LRRC4C: variants seen among roughly 807,000 people sequenced by gnomAD.
LRRC4C encodes leucine rich repeat containing 4C.
LRRC4C carries 5 observed loss-of-function variants against 33.6 expected under a neutral mutation model. That is an observed-to-expected ratio of 0.15 (90% CI 0.08 to 0.31). The LOEUF (loss-of-function observed/expected upper bound fraction) is 0.31. LRRC4C is among the 10% of genes least tolerant of loss of function. LRRC4C has a pLI of 1.00. For synonymous variants in LRRC4C, 329 were observed against 302.0 expected, an observed-to-expected ratio of 1.09 and a Z score of -0.93; for missense variants, 560 against 796.7, an observed-to-expected ratio of 0.70 and a Z score of 3.58.
intron 2 of LRRC4C, among the ~76,000 whole-genome samples, chr11:40,811,832 T>A (rs966410037): frequency 6.6e-6 from 1 of 152,050 alleles, no homozygotes; most frequent in Non-Finnish European, 1.5e-5. Context: ...CTCCCTTGGG[T>A]TGTCCTTGTA....
chr11:40,635,878 A>T (rs1005275873), intron 3 of LRRC4C, among the ~76,000 whole-genome samples: 1 of 151,886 alleles, frequency 6.6e-6, no homozygotes, highest in Non-Finnish European at 1.5e-5. Context: ...TGACCTTGTG[A>T]TCCGCCTGCC....
chr11:40,952,263 T>G (rs1221228461), intron 1 of LRRC4C, among the ~76,000 whole-genome samples: 1 of 151,936 alleles, frequency 6.6e-6, no homozygotes, highest in East Asian at 1.9e-4. Flanking sequence ...GTCCAATCTC[T>G]TTAGGCCACA....
At chr11:41,308,152 C>T (rs1239594396) in intron 1 of LRRC4C, among the ~76,000 whole-genome samples, 3 of 152,178 alleles carry the variant, frequency 2.0e-5, no homozygotes, top group Non-Finnish European at 4.4e-5. Flanking sequence ...GCCATCTTGT[C>T]CCTCTTTCAC....
At chr11:40,165,167 T>C (rs1179194226) in intron 5 of LRRC4C, among the ~76,000 whole-genome samples, 3 of 152,236 alleles carry the variant, frequency 2.0e-5, no homozygotes, top group Admixed American at 6.5e-5. Context: ...TGTATTTATC[T>C]TGCTTTGTGT....
At chr11:40,884,076 C>T (rs886333948) in intron 2 of LRRC4C, among the ~76,000 whole-genome samples, 2 of 151,972 alleles carry the variant, frequency 1.3e-5, no homozygotes, top group Non-Finnish European at 1.5e-5. Context: ...CCCCCTACCC[C>T]GTGACAGGCC....
At position 40,633,371 on chromosome 11, in the gene LRRC4C, T is replaced by TTCTTTCTTTCTTTCTCTCTCTC. The variant is rs745929705; in HGVS notation, c.-270+14770_-270+14771insGAGAGAGAGAAAGAAAGAAAGA. The stretch of plus-strand genomic sequence containing the variant: ...TTTCTTTCTTTCTTTCTTTCTTTCT[T>TTCTTTCTTTCTTTCTCTCTCTC]TCTCTCTCTTTCTTTCTTTCTTTCT... On this transcript the variant is annotated intron_variant, in intron 3 of 6. Transcript: ENST00000528697. Among the ~76,000 whole-genome samples the TTCTTTCTTTCTTTCTCTCTCTC allele has an allele frequency of 2.7e-4, 26 of 96,300 alleles. 1 individual carries two copies. Among genetic ancestry groups the TTCTTTCTTTCTTTCTCTCTCTC allele is most frequent in the Admixed American group, 5.3e-4 (4 of 7,530 alleles). The allele number at this position is 96,300 out of a possible 152,430, so 63.2% of individuals were successfully genotyped here.
intron 5 of LRRC4C, among the ~76,000 whole-genome samples, chr11:40,188,247 C>T (rs1229958218): frequency 6.6e-6 from 1 of 152,176 alleles, no homozygotes; most frequent in Non-Finnish European, 1.5e-5. Context: ...AAGTGAAATT[C>T]TGACTTCCTT....
chr11:40,989,909 CATTAT>C (rs987408169), intron 1 of LRRC4C, among the ~76,000 whole-genome samples: 3 of 151,770 alleles, frequency 2.0e-5, no homozygotes, highest in African/African-American at 7.3e-5. Flanking sequence ...AAAAACAATA[CATTAT>C]AACAACTCTT....
intron 3 of LRRC4C, among the ~76,000 whole-genome samples, chr11:40,629,801 T>C (rs1963294791): frequency 6.6e-6 from 1 of 152,180 alleles, no homozygotes; most frequent in Non-Finnish European, 1.5e-5. Context: ...TGGCACCATT[T>C]GCCTCTTTAT....
chr11:40,627,647 G>A lies in LRRC4C; in HGVS notation c.-270+20495C>T, dbSNP rs1963080148. On this transcript the variant is annotated intron_variant, in intron 3 of 6. Transcript: ENST00000528697. ...ATAGAGAAGAGTTTGCACCTTTAAT[G>A]TATATGATTGATTAGAGACAGCCTG... Among the ~76,000 whole-genome samples, 3 of 152,268 alleles carry A rather than the reference G, an allele frequency of 2.0e-5. No homozygotes were observed. The South Asian group carries it at 6.2e-4, about 32-fold the overall frequency.
chr11:40,541,026 G>T (rs958311327), intron 3 of LRRC4C, among the ~76,000 whole-genome samples: 2 of 152,084 alleles, frequency 1.3e-5, no homozygotes, highest in African/African-American at 4.8e-5. Context: ...TTTATTACAG[G>T]TTTTAAATAG....
In LRRC4C at chr11:40,473,975, G is replaced by T. The variant is rs574298612; in HGVS notation, c.-269-154254C>A. Among the ~76,000 whole-genome samples the T allele has an allele frequency of 4.3e-4, 66 of 152,154 alleles. 1 individual carries two copies. The highest frequency in any genetic ancestry group is 1.5e-3 in the African/African-American group (64 of 41,522). On this transcript the variant is annotated intron_variant, in intron 3 of 6. Transcript: ENST00000528697. ...AGAGGACACAAACAAACGGAAAAAC[G>T]TTCCATGGTCATGGATAGAAAGAAT... is the stretch of plus-strand genomic sequence containing the variant.
intron 5 of LRRC4C, among the ~76,000 whole-genome samples, chr11:40,239,423 AG>A (rs1269956659): frequency 6.6e-6 from 1 of 152,180 alleles, no homozygotes; most frequent in Non-Finnish European, 1.5e-5. Flanking sequence ...ATATGAAAAG[AG>A]GGGGAAATCT....
intron 3 of LRRC4C, among the ~76,000 whole-genome samples, chr11:40,375,738 G>A (rs532104800): frequency 3.3e-5 from 5 of 152,170 alleles, no homozygotes; most frequent in Admixed American, 6.5e-5. Context: ...ACATATAAAC[G>A]TAGACACAGA....
intron 3 of LRRC4C, among the ~76,000 whole-genome samples, chr11:40,551,450 ATGC>A (rs1957125027): frequency 6.6e-6 from 1 of 152,128 alleles, no homozygotes; most frequent in South Asian, 2.1e-4. Context: ...CACCTGCTAT[ATGC>A]CAGACATTCT....
chr11:40,520,691 G>A (rs1410026312), intron 3 of LRRC4C, among the ~76,000 whole-genome samples: 1 of 152,156 alleles, frequency 6.6e-6, no homozygotes, highest in African/African-American at 2.4e-5. Context: ...ACACAAAGAA[G>A]TGAAGTGAAC....
At chr11:41,446,795 A>C (rs1328259634) in intron 1 of LRRC4C, among the ~76,000 whole-genome samples, 1 of 152,090 alleles carries the variant, frequency 6.6e-6, no homozygotes. Flanking sequence ...TTTTCTATTT[A>C]TCTCAGAGAA....
At chr11:41,443,089 A>ATTTTTTTT in intron 1 of LRRC4C, among the ~76,000 whole-genome samples, 9 of 105,994 alleles carry the variant, frequency 8.5e-5, no homozygotes, top group Non-Finnish European at 1.2e-4. Context: ...TGTTTGCTTC[A>ATTTTTTTT]TTTTTTTTTT....
At chr11:40,940,991 A>G (rs1350439838) in intron 1 of LRRC4C, among the ~76,000 whole-genome samples, 6 of 151,126 alleles carry the variant, frequency 4.0e-5, no homozygotes, top group Non-Finnish European at 8.8e-5. Flanking sequence ...CATTCAGAAG[A>G]TAATATATTT....
Sources: gnomAD v4.1 joint callset for allele counts (sites outside exome capture counted in the v4.1 genomes callset) on GRCh38, gnomAD v4.1.1 for gene constraint, MANE v1.5 for transcripts, NCBI Gene and HGNC (gene_info 2026-07-23, HGNC 2026-07-21) for gene names.